Variants in PLXNA1 observed in about 807,000 individuals in gnomAD.
PLXNA1 encodes the protein plexin-A1.
A neutral mutation model predicts 191.7 loss-of-function variants in PLXNA1; 77 were observed. The observed-to-expected ratio is 0.40, with a 90% CI of 0.33 to 0.49. The LOEUF (loss-of-function observed/expected upper bound fraction) is 0.49. Among genes scored for constraint, PLXNA1 ranks in the 20% least tolerant of loss-of-function variants. The pLI is 0.63. For missense variants in PLXNA1, 2,110 were observed against 2,660.2 expected (o/e 0.79, Z 4.55); for synonymous variants, 1,137 against 1,156.4 (o/e 0.98, Z 0.34).
At chr3:127,017,920 C>T (rs962538635) in intron 19 of PLXNA1, 28 bp downstream of exon 19, 1 of 1,608,874 alleles carries the variant, frequency 6.2e-7, no homozygotes, top group Non-Finnish European at 8.5e-7. Context: ...GGGTGCAGAG[C>T]TGGGAGAGCC....
At chr3:127,008,388 C>T (rs2079078935) in intron 9 of PLXNA1, among the ~76,000 whole-genome samples, 1 of 152,138 alleles carries the variant, frequency 6.6e-6, no homozygotes, top group Admixed American at 6.5e-5. Flanking sequence ...CTGGTGGGTT[C>T]TGGAGTCACC....
At chr3:127,019,107 C>T (rs193104087) in intron 20 of PLXNA1, among the ~76,000 whole-genome samples, 107 of 152,284 alleles carry the variant, frequency 7.0e-4, no homozygotes, top group Non-Finnish European at 3.1e-4. Flanking sequence ...CCATGCCGGG[C>T]GAGACTTTGA....
chr3:126,986,265 G>A (rs978595079), intron 1 of PLXNA1, among the ~76,000 whole-genome samples: 24 of 152,204 alleles, frequency 1.6e-4, no homozygotes, highest in African/African-American at 5.3e-4. Flanking sequence ...CTGTTTTCTG[G>A]CTCCCGGGTC....
rs776555273 is a variant in PLXNA1, at chr3:127,033,907, C to T, written c.5596-15C>T. The T allele has an allele frequency of 8.2e-5, 129 of 1,581,512 alleles. No individual in the cohort carries two copies. Among genetic ancestry groups the T allele is most frequent in the Non-Finnish European group, 1.1e-4 (124 of 1,164,812 alleles). On this transcript the variant is annotated splice_polypyrimidine_tract_variant and intron_variant, in intron 31 of 31. Transcript: ENST00000393409. ...CTGGTGGCCCGGCATGCTGACAGTT[C>T]TCCTGGCCCTGCAGATCCTGGCAGC...
intron 1 of PLXNA1, among the ~76,000 whole-genome samples, chr3:126,985,115 G>T (rs898541594): frequency 2.0e-5 from 3 of 152,130 alleles, no homozygotes; most frequent in Admixed American, 6.5e-5. Flanking sequence ...AGGAGGACTT[G>T]GGGGGATTGG....
rs370090925 is a variant in PLXNA1 at position 127,020,190 on chromosome 3, A to C, written c.3896-12A>C. 4 of 1,612,096 alleles carry C rather than the reference A, an allele frequency of 2.5e-6. No homozygotes were observed. Among genetic ancestry groups the C allele is most frequent in the Non-Finnish European group, 3.4e-6 (4 of 1,179,730 alleles). On this transcript the variant is annotated splice_polypyrimidine_tract_variant and intron_variant, in intron 20 of 31. Transcript: ENST00000393409. ...CAGGGCATGCTGCCCCTGACGCCGC[A>C]TCTGGCCACAGCCTTTGCAGAGCTG...
At position 127,004,676 on chromosome 3, in the gene PLXNA1, G is replaced by A; in HGVS notation, c.1584G>A (p.Arg528=). 4 of 1,591,338 alleles carry A rather than the reference G, an allele frequency of 2.5e-6. No homozygotes were observed. The highest frequency in any genetic ancestry group is 2.6e-6 in the Non-Finnish European group (3 of 1,169,338). The change falls in exon 5 of 32, where the codon CGG becomes CGA. Residue 528 remains arginine, a synonymous_variant. Coordinates refer to ENST00000393409, the MANE Select transcript of PLXNA1 (RefSeq NM_032242.4). ...YTSCELCLGS[R]DPHCGWCVLH... ...CCTGTGAGCTGTGTCTGGGGTCACG[G>A]GACCCCCACTGTGGCTGGTGTGTCC...
intron 9 of PLXNA1, among the ~76,000 whole-genome samples, 167 bp downstream of exon 9, chr3:127,008,080 T>G (rs562699747): frequency 1.3e-5 from 2 of 152,258 alleles, no homozygotes; most frequent in African/African-American, 4.8e-5. Flanking sequence ...GAGGTGACCC[T>G]GGATGCCAGC....
chr3:126,989,592 C>T lies in PLXNA1; in HGVS notation c.999C>T (p.Asp333=), dbSNP rs535077811. The T allele has an allele frequency of 1.1e-4, 185 of 1,613,212 alleles. 2 individuals are homozygous for T. The South Asian group carries it at 1.8e-3, about 16-fold the overall frequency. Residue 333 remains aspartate, a synonymous_variant, in exon 2 of 32, where the codon GAC becomes GAT. Coordinates refer to ENST00000393409, the MANE Select transcript of PLXNA1 (RefSeq NM_032242.4). The part of the protein sequence containing the change: ...ALAHQLGLAE[D]EDVLFTVFAQ... Reference sequence around the variant, plus strand: ...CCCACCAGCTGGGCCTGGCTGAGGACGAGGACGTGCTGTTCACTGTGTTCG... The same window carrying T: ...CCCACCAGCTGGGCCTGGCTGAGGATGAGGACGTGCTGTTCACTGTGTTCG...
chr3:126,984,446 C>G (rs1055701786), intron 1 of PLXNA1, among the ~76,000 whole-genome samples: 1 of 152,248 alleles, frequency 6.6e-6, no homozygotes, highest in Non-Finnish European at 1.5e-5. Flanking sequence ...TCCCCGGGCC[C>G]TTGAGGAGCT....
chr3:127,003,203 G>T, intron 3 of PLXNA1, 127 bp from the exon 4 acceptor site: 1 of 1,080,978 alleles, frequency 9.3e-7, no homozygotes, highest in Non-Finnish European at 1.3e-6. Context: ...GCTGGCGCTG[G>T]TCCTCTCTGC....
rs1203181228 is a variant in PLXNA1 at position 127,032,793 on chromosome 3, C to T, written c.5552C>T (p.Ala1851Val). The change falls in exon 31 of 32, where the codon GCC becomes GTC. Residue 1851 changes from alanine (A) to valine (V), a missense_variant. Ala to Val is a moderately conservative substitution (Grantham distance 64). Transcript: ENST00000393409. The part of the protein sequence containing the change: ...LHLSQFNSMS[A>V]LHEIYSYITK... ...CTGAGCCAGTTCAACAGCATGAGCG[C>T]CTTGCACGAGATCTACTCCTACATC... 6.2e-7 allele frequency: 1 copy of T among 1,611,976 alleles called. No individual in the cohort carries two copies. Among genetic ancestry groups the T allele is most frequent in the Non-Finnish European group, 8.5e-7 (1 of 1,179,330 alleles).
In PLXNA1 at chr3:127,004,900, C is replaced by A; in HGVS notation, c.1635C>A (p.Asp545Glu). The change falls in exon 6 of 32, where the codon GAC becomes GAA. Residue 545 changes from aspartate to glutamate, a missense_variant. By Grantham distance (45) the Asp-to-Glu change is conservative. Around this residue, in one of 4 missense-constraint regions of PLXNA1, gnomAD observed 903 missense variants for 1,015.7 expected, o/e 0.89. Transcript: ENST00000393409. Reference protein sequence around the residue: ...CVLHSICSRRDACERADEPQR... With the variant: ...CVLHSICSRREACERADEPQR... ...CTGCCTGCAGCTGCTCGCGGCGGGA[C>A]GCCTGTGAGCGAGCAGACGAGCCCC... 1 of 1,600,432 alleles carries A rather than the reference C, an allele frequency of 6.2e-7. No individual in the cohort carries two copies. The highest frequency in any genetic ancestry group is 8.5e-7 in the Non-Finnish European group (1 of 1,171,628).
At chr3:126,987,738 T>C (rs2078966138) in intron 1 of PLXNA1, among the ~76,000 whole-genome samples, 1 of 149,346 alleles carries the variant, frequency 6.7e-6, no homozygotes, top group South Asian at 2.2e-4. Flanking sequence ...GAGTCAGGGC[T>C]GGTGGGCCAG....
chr3:127,003,542 C>T, intron 4 of PLXNA1, 72 bp downstream of exon 4: 2 of 1,496,872 alleles, frequency 1.3e-6, no homozygotes, highest in Non-Finnish European at 1.8e-6. Flanking sequence ...AGTCACAGAG[C>T]AGTAGGGGTG....
intron 4 of PLXNA1, among the ~76,000 whole-genome samples, chr3:127,003,920 G>T (rs1282783892): frequency 1.3e-5 from 2 of 152,230 alleles, no homozygotes; most frequent in Admixed American, 6.5e-5. Context: ...CCAACCTGGT[G>T]CCTGGCCCAG....
chr3:127,013,203 G>A (rs564038260), intron 10 of PLXNA1, among the ~76,000 whole-genome samples: 6 of 152,308 alleles, frequency 3.9e-5, no homozygotes, highest in South Asian at 2.1e-4. Flanking sequence ...AGACATTTCT[G>A]TTCTATCACC....
chr3:127,032,541 C>G lies in PLXNA1; in HGVS notation c.5386C>G (p.Pro1796Ala). ...TGAGCACAAGCTGGGCAAGGACTCACCCTCCAACAAGCTGCTCTACGCCAA... is the reference window on the plus strand; with the variant it reads ...TGAGCACAAGCTGGGCAAGGACTCAGCCTCCAACAAGCTGCTCTACGCCAA... The part of the protein sequence containing the change: ...TSEHKLGKDS[P>A]SNKLLYAKDI... The change falls in exon 30 of 32, where the codon CCC (proline) becomes GCC (alanine). Residue 1796 changes from proline (P) to alanine (A), a missense_variant. By Grantham distance (27) the Pro-to-Ala change is conservative. Around this residue, in one of 4 missense-constraint regions of PLXNA1, gnomAD observed 559 missense variants for 911.5 expected, o/e 0.61. Coordinates refer to ENST00000393409, the MANE Select transcript of PLXNA1 (RefSeq NM_032242.4). The G allele has an allele frequency of 1.2e-6, 2 of 1,614,086 alleles. No individual in the cohort carries two copies.
chr3:127,001,282 G>A (rs1006784885), intron 3 of PLXNA1, among the ~76,000 whole-genome samples: 2 of 152,332 alleles, frequency 1.3e-5, no homozygotes, highest in East Asian at 1.9e-4. Flanking sequence ...GTGGGTGGAT[G>A]CCTTGCAGGC....
Sources: gnomAD v4.1 joint callset for allele counts (sites outside exome capture counted in the v4.1 genomes callset) on GRCh38, gnomAD v4.1.1 for gene constraint, gnomAD v4.1.1 regional missense constraint, MANE v1.5 for transcripts, NCBI Gene and HGNC (gene_info 2026-07-23, HGNC 2026-07-21) for gene names.